MYLK3: variants seen among roughly 807,000 people sequenced by gnomAD.
MYLK3 encodes MLC kinase.
MYLK3 carries 55 observed loss-of-function variants against 76.3 expected under a neutral mutation model. That is an observed-to-expected ratio of 0.72 (90% confidence interval 0.58 to 0.90). The LOEUF is 0.90. Ranked by LOEUF, MYLK3 falls within the 40% of genes least tolerant of loss-of-function variation. The pLI is 0.00. For synonymous variants in MYLK3, 416 were observed against 425.4 expected (o/e 0.98, Z 0.27); for missense variants, 973 against 1,053.6 (o/e 0.92, Z 1.06).
chr16:46,747,801 C>CG lies in MYLK3; in HGVS notation c.392dup (p.Phe132ValfsTer24). 1 of 1,614,218 alleles carries CG rather than the reference C, an allele frequency of 6.2e-7. No individual in the cohort carries two copies. The highest frequency in any genetic ancestry group is 8.5e-7 in the Non-Finnish European group (1 of 1,180,046). Reference sequence around the variant, plus strand: ...AATCCGCCACCTTTGATTTCTGGAACGTGGCCCCCACCAAAGCGATGGCCC... The same window carrying CG: ...AATCCGCCACCTTTGATTTCTGGAACGGTGGCCCCCACCAAAGCGATGGCCC... On this transcript the variant is annotated frameshift_variant, in exon 1 of 13. Coordinates refer to ENST00000394809, the MANE Select transcript of MYLK3 (RefSeq NM_182493.3). LOFTEE classifies it high-confidence loss of function.
chr16:46,733,931 C>T (rs2143015293), intron 3 of MYLK3, among the ~76,000 whole-genome samples: 1 of 152,230 alleles, frequency 6.6e-6, no homozygotes, highest in Middle Eastern at 3.4e-3. Context: ...CAAGAGTCAA[C>T]CAAGAGAGGA....
chr16:46,743,651 C>A (rs1269817597), intron 1 of MYLK3, among the ~76,000 whole-genome samples: 3 of 152,204 alleles, frequency 2.0e-5, no homozygotes, highest in African/African-American at 7.2e-5. Flanking sequence ...CACAAGAACT[C>A]AGAAAAGAGG....
At chr16:46,729,487 C>A in intron 6 of MYLK3, 107 bp downstream of exon 6, 1 of 1,040,356 alleles carries the variant, frequency 9.6e-7, no homozygotes, top group Non-Finnish European at 1.5e-6. Context: ...TGGAAAAGAG[C>A]AGGAATAAGT....
chr16:46,735,236 G>A (rs1255450586), intron 3 of MYLK3, among the ~76,000 whole-genome samples: 4 of 151,804 alleles, frequency 2.6e-5, no homozygotes, highest in African/African-American at 4.8e-5. Flanking sequence ...ACAAAGTCTC[G>A]GTCTTGTCCC....
At chr16:46,744,170 C>T (rs1410442313) in intron 1 of MYLK3, among the ~76,000 whole-genome samples, 2 of 151,248 alleles carry the variant, frequency 1.3e-5, no homozygotes, top group East Asian at 1.9e-4. Context: ...GTAGCTAGGA[C>T]TACAAGTGCA....
chr16:46,748,072 T>C lies in MYLK3; in HGVS notation c.122A>G (p.His41Arg), dbSNP rs750476708. The C allele has an allele frequency of 1.9e-6, 3 of 1,614,240 alleles. No homozygotes were observed. The highest frequency in any genetic ancestry group is 1.7e-5 in the Admixed American group (1 of 60,032). The change falls in exon 1 of 13, where the codon CAC becomes CGC. Residue 41 changes from histidine to arginine, a missense_variant. By Grantham distance (29) the His-to-Arg change is conservative (BLOSUM62 0). Around this residue, in one of 2 missense-constraint regions of MYLK3, gnomAD observed 641 missense variants for 637.0 expected, o/e 1.01. Coordinates refer to ENST00000394809, the MANE Select transcript of MYLK3 (RefSeq NM_182493.3). The surrounding 1 kb of genome is among the most constrained non-coding windows in gnomAD (Gnocchi z 4.3). The part of the protein sequence containing the change: ...MLNEKVDQLL[H>R]FQEDVTEKLQ... Reference sequence around the variant, plus strand: ...CTTCTCTGTGACATCTTCTTGGAAGTGCAGGAGCTGGTCCACCTTCTCGTT... The same window carrying C: ...CTTCTCTGTGACATCTTCTTGGAAGCGCAGGAGCTGGTCCACCTTCTCGTT...
At chr16:46,755,122 C>T (rs1967180557) in intron 1 of MYLK3, among the ~76,000 whole-genome samples, 1 of 151,938 alleles carries the variant, frequency 6.6e-6, no homozygotes, top group African/African-American at 2.4e-5. Context: ...TGCTTTTGAA[C>T]TCCTGGGCTC....
intron 1 of MYLK3, chr16:46,757,380 A>G: frequency 1.0e-6 from 1 of 985,424 alleles, no homozygotes; most frequent in Non-Finnish European, 1.2e-6. Context: ...ATTGTTCCTC[A>G]GGCTCTTACT....
At chr16:46,728,557 C>T (rs1440284963) in intron 7 of MYLK3, among the ~76,000 whole-genome samples, 4 of 152,010 alleles carry the variant, frequency 2.6e-5, no homozygotes, top group Admixed American at 6.6e-5. Flanking sequence ...CTCATCTCTA[C>T]AAAAAATTTA....
At chr16:46,729,999 C>T (rs1372600983) in intron 5 of MYLK3, 4 of 490,936 alleles carry the variant, frequency 8.1e-6, no homozygotes, top group African/African-American at 4.0e-5. Flanking sequence ...CCCCAGGGAA[C>T]ATCCCCTCAC....
rs1315552424 is a variant in MYLK3, at chr16:46,748,331, G to A, written c.-138C>T. 1 of 1,422,584 alleles carries A rather than the reference G, an allele frequency of 7.0e-7. No individual in the cohort carries two copies. The highest frequency in any genetic ancestry group is 9.2e-7 in the Non-Finnish European group (1 of 1,088,144). 88.1% of individuals were successfully genotyped at this position (1,422,584 alleles called of 1,614,324 possible). A position where few individuals can be genotyped will look rare whatever the true frequency, so the allele number is the denominator to read the frequency against. On this transcript the variant is annotated 5_prime_UTR_variant, in exon 1 of 13. Coordinates refer to ENST00000394809, the MANE Select transcript of MYLK3 (RefSeq NM_182493.3). The surrounding 1 kb of genome is among the most constrained non-coding windows in gnomAD (Gnocchi z 4.3). ...TCCTGGCAGCACCAACCTCCACGAT[G>A]GCCTGGGCTGTGTGAGGAGCGCAGA... is the stretch of plus-strand genomic sequence containing the variant.
At position 46,707,841 on chromosome 16, in the gene MYLK3, G is replaced by A. The variant is rs983758785; in HGVS notation, c.2401-78C>T. On this transcript the variant is annotated intron_variant, in intron 12 of 12. Coordinates refer to ENST00000394809, the MANE Select transcript of MYLK3 (RefSeq NM_182493.3). ...TTGCCTTATGAAGAAACAATAAAAG[G>A]ATTTAAGTGAGTCCAGCCACTGGGG... The A allele has an allele frequency of 7.7e-6, 8 of 1,045,614 alleles. No homozygotes were observed. The African/African-American group carries it at 1.3e-4, about 17-fold the overall frequency. The allele number at this position is 1,045,614 out of a possible 1,614,324, so 64.8% of individuals were successfully genotyped here.
chr16:46,715,352 C>A (rs1376885842), intron 9 of MYLK3, among the ~76,000 whole-genome samples: 3 of 152,180 alleles, frequency 2.0e-5, no homozygotes, highest in African/African-American at 7.2e-5. Context: ...TGTTAAGCCT[C>A]TGGTTTTGGG....
upstream of MYLK3, among the ~76,000 whole-genome samples, chr16:46,752,871 C>A (rs1319593852): frequency 3.3e-5 from 5 of 152,082 alleles, no homozygotes; most frequent in African/African-American, 1.2e-4. Flanking sequence ...CAGAAAAAGA[C>A]CCTGACTCAA....
Position 46,732,230 on chromosome 16 carries a change from G to A in MYLK3, c.1440C>T (p.Ala480=), listed in dbSNP as rs185685653. 1.4e-4 allele frequency: 215 copies of A among 1,590,180 alleles called. No individual in the cohort carries two copies. The highest frequency in any genetic ancestry group is 2.2e-4 in the Admixed American group (13 of 59,380). ...AEAVRRMPPG[A]EAGSVVLDDS... ...TACCCAGAACCACGCTGCCAGCCTC[G>A]GCGCCTGGGGGCATCCTCCTTACTG... The change falls in exon 4 of 13, where the codon GCC becomes GCT. Residue 480 remains alanine (A), a synonymous_variant. Coordinates refer to ENST00000394809, the MANE Select transcript of MYLK3 (RefSeq NM_182493.3).
At chr16:46,721,017 T>C in intron 9 of MYLK3, 106 bp downstream of exon 9, 1 of 980,260 alleles carries the variant, frequency 1.0e-6, no homozygotes. Context: ...CTTTCTTGCA[T>C]CAGTTCCAAA....
At chr16:46,733,712 T>C (rs1966857475) in intron 3 of MYLK3, among the ~76,000 whole-genome samples, 1 of 152,132 alleles carries the variant, frequency 6.6e-6, no homozygotes, top group Admixed American at 6.5e-5. Flanking sequence ...GTGGGGCTTC[T>C]TTTTGCTGGG....
upstream of MYLK3, among the ~76,000 whole-genome samples, chr16:46,749,602 A>G (rs1967092450): frequency 6.6e-6 from 1 of 152,216 alleles, no homozygotes; most frequent in Admixed American, 6.5e-5. Context: ...ACAAAAAATA[A>G]GCCAGGCGTG....
intron 9 of MYLK3, among the ~76,000 whole-genome samples, chr16:46,718,327 G>A (rs1343866696): frequency 6.6e-6 from 1 of 152,206 alleles, no homozygotes; most frequent in Non-Finnish European, 1.5e-5. Flanking sequence ...TAGATTGAAT[G>A]TGATTTTTTT....
Sources: gnomAD v4.1 joint callset for allele counts (sites outside exome capture counted in the v4.1 genomes callset) on GRCh38, gnomAD v4.1.1 for gene constraint, gnomAD v4.1.1 regional missense constraint, Gnocchi (gnomAD v3.1) non-coding constraint, MANE v1.5 for transcripts, NCBI Gene and HGNC (gene_info 2026-07-23, HGNC 2026-07-21) for gene names.